The following SPEF2 variants were observed in gnomAD, a reference collection of about 807,000 sequenced individuals.
SPEF2 encodes the protein sperm flagella and cilia-associated protein 2.
Under a neutral mutation model 224.6 loss-of-function variants are expected in SPEF2, and 187 were observed. The observed-to-expected ratio is 0.83, with a 90% CI of 0.74 to 0.94. The LOEUF (loss-of-function observed/expected upper bound fraction) is 0.94, where lower values mean the gene tolerates loss of function less well. Ranked by LOEUF, SPEF2 falls within the 40% of genes least tolerant of loss-of-function variation. SPEF2 has a pLI of 0.00. For synonymous variants in SPEF2, 715 were observed against 707.3 expected (o/e 1.01, Z -0.17); for missense variants, 2,170 against 2,135.6 (o/e 1.02, Z -0.32).
At chr5:35,646,933 T>A in intron 5 of SPEF2, 126 bp downstream of exon 5, 2 of 1,021,768 alleles carry the variant, frequency 2.0e-6, no homozygotes, top group South Asian at 1.8e-5. Flanking sequence ...GACCTTGTCC[T>A]TTCTCATTCA....
chr5:35,647,713 T>C (rs4703367), intron 5 of SPEF2, among the ~76,000 whole-genome samples: 92,201 of 152,002 alleles, frequency 0.61, 28,687 homozygotes, highest in East Asian at 0.74. Context: ...ACATAGCATA[T>C]GTATGCCATT....
At position 35,795,771 on chromosome 5, in the gene SPEF2, T is replaced by A; in HGVS notation, c.4806T>A (p.Phe1602Leu). 1 of 1,613,730 alleles carries A rather than the reference T, an allele frequency of 6.2e-7. No individual in the cohort carries two copies. Among genetic ancestry groups the A allele is most frequent in the Non-Finnish European group, 8.5e-7 (1 of 1,179,592 alleles). ...AAAATCCTCTTGAACCCCTTCCATT[T>A]AATAGGCAGGAGCATCTTATAGAGG... ...IPENPLEPLPFNRQEHLIEFF... is the reference protein window; with the variant it reads ...IPENPLEPLPLNRQEHLIEFF... Residue 1602 changes from phenylalanine (F) to leucine (L), a missense_variant, in exon 33 of 37, where the codon TTT becomes TTA. Coordinates refer to ENST00000356031, the MANE Select transcript of SPEF2 (RefSeq NM_024867.4).
At chr5:35,746,430 AG>A (rs1748536497) in intron 23 of SPEF2, among the ~76,000 whole-genome samples, 1 of 152,222 alleles carries the variant, frequency 6.6e-6, no homozygotes, top group Non-Finnish European at 1.5e-5. Flanking sequence ...TGATACAAGG[AG>A]TGAAGGGAGA....
At chr5:35,630,095 G>C in intron 2 of SPEF2, among the ~76,000 whole-genome samples, 1 of 152,174 alleles carries the variant, frequency 6.6e-6, no homozygotes, top group Non-Finnish European at 1.5e-5. Flanking sequence ...CCAGGGCACA[G>C]TGATGCAAGA....
At chr5:35,690,803 C>G (rs1453764447) in intron 10 of SPEF2, among the ~76,000 whole-genome samples, 1 of 152,086 alleles carries the variant, frequency 6.6e-6, no homozygotes, top group African/African-American at 2.4e-5. Flanking sequence ...TTTATATGCT[C>G]ACTTTCATAA....
At position 35,719,364 on chromosome 5, in the gene SPEF2, G is replaced by A. The variant is rs185934476; in HGVS notation, c.2914+6478G>A. On this transcript the variant is annotated intron_variant, in intron 20 of 36. Transcript: ENST00000356031. ...TTTGTTAAAAAATCATCACAGGACT[G>A]AATGGTTTGCAAAATAGATTTTAGT... Among the ~76,000 whole-genome samples, 314 of 152,294 alleles carry A rather than the reference G, an allele frequency of 2.1e-3. 3 individuals are homozygous for A. Among genetic ancestry groups the A allele is most frequent in the Non-Finnish European group, 3.5e-3 (241 of 68,024 alleles).
chr5:35,660,144 T>C (rs1749508288), intron 8 of SPEF2, among the ~76,000 whole-genome samples: 1 of 152,146 alleles, frequency 6.6e-6, no homozygotes, highest in African/African-American at 2.4e-5. Flanking sequence ...CCAAACTTTA[T>C]GTATATGTGA....
chr5:35,701,843 G>C (rs569265631), intron 16 of SPEF2, among the ~76,000 whole-genome samples: 2 of 152,186 alleles, frequency 1.3e-5, no homozygotes, highest in South Asian at 4.2e-4. Context: ...GCCCAACATG[G>C]TGGCACATGT....
At chr5:35,747,276 C>CA (rs200002732) in intron 23 of SPEF2, among the ~76,000 whole-genome samples, 2,736 of 151,580 alleles carry the variant, frequency 0.018, 83 homozygotes, top group African/African-American at 0.064. Flanking sequence ...CCAAAACAAA[C>CA]AAAAAAAACC....
Position 35,649,476 on chromosome 5 carries a change from A to G in SPEF2, c.791+51A>G, listed in dbSNP as rs371292467. On this transcript the variant is annotated intron_variant, in intron 6 of 36. Coordinates refer to ENST00000356031, the MANE Select transcript of SPEF2 (RefSeq NM_024867.4). The stretch of plus-strand genomic sequence containing the variant: ...TACAAAACCGCATTCTGTTCTACAC[A>G]TAGCTTTTGAATATTTAGAAATAGT... 8.0e-6 allele frequency: 11 copies of G among 1,366,898 alleles called. No homozygotes were observed. In the South Asian group the frequency reaches 8.0e-5, roughly 10 times the overall value. The allele number at this position is 1,366,898 out of a possible 1,614,324, so 84.7% of individuals were successfully genotyped here.
At chr5:35,627,637 T>C (rs1425106494) in intron 1 of SPEF2, among the ~76,000 whole-genome samples, 1 of 152,196 alleles carries the variant, frequency 6.6e-6, no homozygotes, top group Non-Finnish European at 1.5e-5. Flanking sequence ...TCTGCACTTA[T>C]CATTATGTGC....
At chr5:35,647,514 A>G (rs1164436747) in intron 5 of SPEF2, among the ~76,000 whole-genome samples, 1 of 152,130 alleles carries the variant, frequency 6.6e-6, no homozygotes, top group Non-Finnish European at 1.5e-5. Context: ...CTAACAGAGT[A>G]AGAACTCACT....
At chr5:35,676,183 C>A (rs1310961020) in intron 10 of SPEF2, among the ~76,000 whole-genome samples, 1 of 152,166 alleles carries the variant, frequency 6.6e-6, no homozygotes, top group Non-Finnish European at 1.5e-5. Context: ...TGATTGTCCA[C>A]CACTCATTTT....
At position 35,790,257 on chromosome 5, in the gene SPEF2, A is replaced by C. The variant is rs1755772645; in HGVS notation, c.4448-2083A>C. ...TCAGTTGAATTCTCCAGACATTAAT[A>C]ATTTTGACCCTAGGAAAGCTATCCA... On this transcript the variant is annotated intron_variant, in intron 30 of 36. Transcript: ENST00000356031. 7 of 642,776 alleles carry C rather than the reference A, an allele frequency of 1.1e-5. No homozygotes were observed. The East Asian group carries it at 1.9e-4, about 18-fold the overall frequency. The allele number at this position is 642,776 out of a possible 1,614,324, so 39.8% of individuals were successfully genotyped here. A position where few individuals can be genotyped will look rare whatever the true frequency, so the allele number is the denominator to read the frequency against.
At chr5:35,765,122 G>A (rs73086281) in intron 26 of SPEF2, among the ~76,000 whole-genome samples, 4,326 of 152,154 alleles carry the variant, frequency 0.028, 183 homozygotes, top group South Asian at 0.12. Flanking sequence ...TTTCCTTGAT[G>A]TTCTTAAGAG....
At chr5:35,808,597 G>A (rs1758338386) in intron 36 of SPEF2, among the ~76,000 whole-genome samples, 1 of 151,948 alleles carries the variant, frequency 6.6e-6, no homozygotes, top group Admixed American at 6.6e-5. Flanking sequence ...TTATATGGCT[G>A]CATAGTATTC....
At chr5:35,689,541 G>C (rs1479224821) in intron 10 of SPEF2, among the ~76,000 whole-genome samples, 1 of 152,050 alleles carries the variant, frequency 6.6e-6, no homozygotes. Flanking sequence ...AGTGTTCATT[G>C]TTCTCATCGT....
At chr5:35,750,451 A>T (rs1580573821) in intron 23 of SPEF2, among the ~76,000 whole-genome samples, 1 of 152,214 alleles carries the variant, frequency 6.6e-6, no homozygotes, top group Non-Finnish European at 1.5e-5. Context: ...CAATCTATAC[A>T]TCTGACAAAA....
At chr5:35,751,244 C>A (rs1749597004) in intron 23 of SPEF2, among the ~76,000 whole-genome samples, 1 of 146,738 alleles carries the variant, frequency 6.8e-6, no homozygotes, top group Admixed American at 6.9e-5. Context: ...TATGTTCTCA[C>A]TGATTTGTGA....
Sources: allele counts gnomAD v4.1 joint callset (sites outside exome capture counted in the v4.1 genomes callset), GRCh38; gene constraint gnomAD v4.1.1; transcripts MANE v1.5; gene names NCBI Gene and HGNC (gene_info 2026-07-23, HGNC 2026-07-21).